GRIN2A: variants seen among roughly 807,000 people sequenced by gnomAD.
GRIN2A encodes the protein glutamate receptor ionotropic, NMDA 2A.
GRIN2A carries 22 observed loss-of-function variants against 113.4 expected under a neutral mutation model. That is an observed-to-expected ratio of 0.19 (90% CI 0.14 to 0.28). GRIN2A has a LOEUF of 0.28. Ranked by LOEUF, GRIN2A falls within the 10% of genes least tolerant of loss-of-function variation. GRIN2A has a pLI of 1.00. For missense variants in GRIN2A, 1,502 were observed against 1,887.0 expected, an observed-to-expected ratio of 0.80 and a Z score of 3.78; for synonymous variants, 827 against 738.4, an observed-to-expected ratio of 1.12 and a Z score of -1.94.
intron 2 of GRIN2A, among the ~76,000 whole-genome samples, chr16:9,973,597 T>C (rs1384160523): frequency 6.6e-6 from 1 of 151,950 alleles, no homozygotes; most frequent in East Asian, 1.9e-4. Context: ...ATAGGACAAA[T>C]GTGGAGAAAA....
chr16:10,180,973 GC>G lies in GRIN2A; in HGVS notation c.-18-545del, dbSNP rs1375728961. ...AGAGCTCAGCTAGTTGGCTGACCCC[GC>G]CCCCTACGAGCCCGTCGTGTGCACC... On this transcript the variant is annotated intron_variant, in intron 1 of 12. Transcript: ENST00000330684. The surrounding 1 kb of genome is among the most constrained non-coding windows in gnomAD (Gnocchi z 7.0). 6.6e-6 allele frequency among the ~76,000 whole-genome samples: 1 copy of G among 152,096 alleles called. No homozygotes were observed.
At chr16:9,909,796 C>G (rs373718678) in intron 3 of GRIN2A, among the ~76,000 whole-genome samples, 9 of 152,148 alleles carry the variant, frequency 5.9e-5, no homozygotes, top group African/African-American at 1.9e-4. Flanking sequence ...GCATCTCAAA[C>G]CCACTGTTTC....
intron 2 of GRIN2A, among the ~76,000 whole-genome samples, chr16:10,069,785 T>C (rs1046992071): frequency 6.6e-6 from 1 of 152,254 alleles, no homozygotes; most frequent in Non-Finnish European, 1.5e-5. Flanking sequence ...AGGCCACTCA[T>C]ACAGCCATAC....
intron 2 of GRIN2A, among the ~76,000 whole-genome samples, chr16:10,048,256 C>T (rs988111866): frequency 6.6e-6 from 1 of 152,150 alleles, no homozygotes; most frequent in South Asian, 2.1e-4. Context: ...TTGTCTAATA[C>T]TTAAAATCGT....
chr16:9,871,280 G>A (rs1596522407), intron 4 of GRIN2A, among the ~76,000 whole-genome samples: 1 of 152,266 alleles, frequency 6.6e-6, no homozygotes, highest in Middle Eastern at 3.4e-3. Flanking sequence ...GCTCCTGGAT[G>A]AGGACTTGCT....
rs2047217019 is a variant in GRIN2A at position 10,044,036 on chromosome 16, G to GAA, written c.415-105486_415-105485insTT. 7.1e-5 allele frequency among the ~76,000 whole-genome samples: 10 copies of GAA among 141,366 alleles called. No individual in the cohort carries two copies. In the South Asian group the frequency reaches 2.3e-3, roughly 32 times the overall value. The allele number at this position is 141,366 out of a possible 152,430, so 92.7% of individuals were successfully genotyped here. On this transcript the variant is annotated intron_variant, in intron 2 of 12. Coordinates refer to ENST00000330684, the MANE Select transcript of GRIN2A (RefSeq NM_001134407.3). ...ATATATATATATAGAGAGAGAGAGA[G>GAA]AGAGAGAGAGACAGAGACAGAGACA...
At chr16:10,042,419 C>G (rs1236420973) in intron 2 of GRIN2A, among the ~76,000 whole-genome samples, 1 of 152,066 alleles carries the variant, frequency 6.6e-6, no homozygotes. Flanking sequence ...AAATGAGGCC[C>G]CCTGCCAGCA....
intron 2 of GRIN2A, among the ~76,000 whole-genome samples, chr16:9,995,426 T>A (rs1367352144): frequency 6.6e-6 from 1 of 152,214 alleles, no homozygotes; most frequent in African/African-American, 2.4e-5. Flanking sequence ...TCAGGTTTAA[T>A]AAAGACAAGA....
intron 2 of GRIN2A, among the ~76,000 whole-genome samples, chr16:10,014,896 T>G (rs1452331664): frequency 6.6e-6 from 1 of 152,052 alleles, no homozygotes; most frequent in Non-Finnish European, 1.5e-5. Flanking sequence ...AAATTTAGCA[T>G]CTACAGGAGG....
chr16:10,008,992 T>C (rs1489511088), intron 2 of GRIN2A, among the ~76,000 whole-genome samples: 7 of 152,218 alleles, frequency 4.6e-5, no homozygotes, highest in Non-Finnish European at 1.0e-4. Context: ...TCCATTTAGC[T>C]TACACTCTGA....
At chr16:9,964,627 C>T (rs1253872085) in intron 2 of GRIN2A, among the ~76,000 whole-genome samples, 1 of 152,200 alleles carries the variant, frequency 6.6e-6, no homozygotes, top group East Asian at 1.9e-4. Context: ...AGGCTGCCCA[C>T]ATTCCTCGGC....
At chr16:10,043,623 A>G (rs992663673) in intron 2 of GRIN2A, among the ~76,000 whole-genome samples, 3 of 152,096 alleles carry the variant, frequency 2.0e-5, no homozygotes, top group Non-Finnish European at 4.4e-5. Context: ...ATTCTAGCCC[A>G]CAGTCAAGGC....
At chr16:9,950,239 C>G (rs1300250849) in intron 2 of GRIN2A, among the ~76,000 whole-genome samples, 1 of 152,170 alleles carries the variant, frequency 6.6e-6, no homozygotes, top group African/African-American at 2.4e-5. Flanking sequence ...CTGTTTCCCT[C>G]CCCTAATCTC....
chr16:9,980,981 AG>A (rs1423801705), intron 2 of GRIN2A, among the ~76,000 whole-genome samples: 1 of 151,832 alleles, frequency 6.6e-6, no homozygotes, highest in East Asian at 1.9e-4. Flanking sequence ...TAAAACTTAA[AG>A]TATAATAATA....
chr16:10,181,208 C>G (rs1218745539), intron 1 of GRIN2A, among the ~76,000 whole-genome samples: 2 of 49,282 alleles, frequency 4.1e-5, no homozygotes, highest in Non-Finnish European at 9.5e-5. Context: ...TGCACACACA[C>G]ACGCACACAC....
chr16:9,935,132 A>G (rs2044683305), intron 3 of GRIN2A, among the ~76,000 whole-genome samples: 1 of 152,204 alleles, frequency 6.6e-6, no homozygotes, highest in Non-Finnish European at 1.5e-5. Flanking sequence ...TCCTTCTAGA[A>G]TTCCTTTTCC....
intron 3 of GRIN2A, 147 bp downstream of exon 3, chr16:9,937,812 G>A: frequency 3.0e-6 from 2 of 666,474 alleles, no homozygotes; most frequent in South Asian, 1.7e-5. Flanking sequence ...AAGAAAGAGA[G>A]AGGAGAGCAA....
intron 2 of GRIN2A, among the ~76,000 whole-genome samples, chr16:10,045,970 G>A (rs1038461127): frequency 6.6e-6 from 1 of 152,190 alleles, no homozygotes; most frequent in African/African-American, 2.4e-5. Context: ...CCTACATGCT[G>A]ATATTAGTAG....
At chr16:9,794,934 G>A (rs374707285) in intron 11 of GRIN2A, among the ~76,000 whole-genome samples, 3 of 152,268 alleles carry the variant, frequency 2.0e-5, no homozygotes, top group African/African-American at 7.2e-5. Context: ...GGAGAAGGAT[G>A]AAGAGGAGGA....
Sources: gnomAD v4.1 joint callset for allele counts (sites outside exome capture counted in the v4.1 genomes callset) on GRCh38, gnomAD v4.1.1 for gene constraint, Gnocchi (gnomAD v3.1) non-coding constraint, MANE v1.5 for transcripts, NCBI Gene and HGNC (gene_info 2026-07-23, HGNC 2026-07-21) for gene names.